Variants in TMPO observed in about 807,000 individuals in gnomAD.
TMPO encodes LEM domain containing 4.
Under a neutral mutation model 45.4 loss-of-function variants are expected in TMPO, and 22 were observed. That is an observed-to-expected ratio of 0.48 (90% CI 0.35 to 0.69). The LOEUF is 0.69. TMPO is among the 30% of genes least tolerant of loss of function. TMPO has a pLI of 0.01. For synonymous variants in TMPO, 241 were observed against 204.1 expected, an observed-to-expected ratio of 1.18 and a Z score of -1.54; for missense variants, 512 against 548.8, an observed-to-expected ratio of 0.93 and a Z score of 0.67.
chr12:98,543,635 A>G (rs865994627), intron 4 of TMPO, among the ~76,000 whole-genome samples: 1 of 152,224 alleles, frequency 6.6e-6, no homozygotes, highest in African/African-American at 2.4e-5. Flanking sequence ...CATATTCATT[A>G]AAGAGTGACC....
In TMPO at chr12:98,548,290, T is replaced by G. The variant is rs184293463; in HGVS notation, c.*432T>G. 3.8e-5 allele frequency: 6 copies of G among 159,280 alleles called. No homozygotes were observed. The highest frequency in any genetic ancestry group is 1.4e-4 in the African/African-American group (6 of 41,616). 9.9% of individuals were successfully genotyped at this position (159,280 alleles called of 1,614,324 possible). A position where few individuals can be genotyped will look rare whatever the true frequency, so the allele number is the denominator to read the frequency against. On this transcript the variant is annotated 3_prime_UTR_variant, in exon 9 of 9. Coordinates refer to ENST00000556029, the MANE Select transcript of TMPO (RefSeq NM_001032283.3). ...CTGCTGAATAAAAACTGCAAATATG[T>G]GAAACATAATGAAATTCAGTAAGAG...
chr12:98,549,267 C>G lies in TMPO; in HGVS notation c.*1409C>G, dbSNP rs1878397184. The G allele has an allele frequency of 6.6e-6, 1 of 152,074 alleles. No individual in the cohort carries two copies. The highest frequency in any genetic ancestry group is 1.5e-5 in the Non-Finnish European group (1 of 68,048). The allele number at this position is 152,074 out of a possible 1,614,324, so 9.4% of individuals were successfully genotyped here. A position where few individuals can be genotyped will look rare whatever the true frequency, so the allele number is the denominator to read the frequency against. ...GAGATGGAGTCTCACTCTTGTCACC[C>G]AGACTGTAGTGCAGTGGCACGATCT... On this transcript the variant is annotated 3_prime_UTR_variant, in exon 9 of 9. Transcript: ENST00000556029.
intron 1 of TMPO, among the ~76,000 whole-genome samples, chr12:98,518,505 CTTTCTG>C (rs1424410831): frequency 9.1e-6 from 1 of 110,414 alleles, no homozygotes. Flanking sequence ...GGTACACAGG[CTTTCTG>C]TGTTGTCCAG....
In TMPO at chr12:98,515,721, C is replaced by T; in HGVS notation, c.-147C>T. On this transcript the variant is annotated 5_prime_UTR_variant, in exon 1 of 9. Coordinates refer to ENST00000556029, the MANE Select transcript of TMPO (RefSeq NM_001032283.3). ...CGGGTCTGGCTTGGCTTTGTGTCCG[C>T]GAGTTTTTGTTCCGCTCCGCAGCGC... The T allele has an allele frequency of 6.7e-7, 1 of 1,502,802 alleles. No homozygotes were observed. The highest frequency in any genetic ancestry group is 8.9e-7 in the Non-Finnish European group (1 of 1,121,130). The allele number at this position is 1,502,802 out of a possible 1,614,324, so 93.1% of individuals were successfully genotyped here.
chr12:98,516,628 A>G (rs1321826308), intron 1 of TMPO: 1 of 814,506 alleles, frequency 1.2e-6, no homozygotes. Context: ...CAAAATTTGA[A>G]ATGAGGAAAT....
chr12:98,516,636 A>C, intron 1 of TMPO: 11 of 756,890 alleles, frequency 1.5e-5, no homozygotes, highest in Non-Finnish European at 1.8e-5. Context: ...GAAATGAGGA[A>C]ATTCCCGCCT....
rs1878370800 is a variant in TMPO, at chr12:98,548,844, G to T, written c.*986G>T. 6.6e-6 allele frequency: 1 copy of T among 152,258 alleles called. No homozygotes were observed. Among genetic ancestry groups the T allele is most frequent in the Non-Finnish European group, 1.5e-5 (1 of 68,046 alleles). The allele number at this position is 152,258 out of a possible 1,614,324, so 9.4% of individuals were successfully genotyped here. A position where few individuals can be genotyped will look rare whatever the true frequency, so the allele number is the denominator to read the frequency against. The stretch of plus-strand genomic sequence containing the variant: ...TGATTAGAAAGTACAAAAAGGGCCA[G>T]GCGCGGTGGCTTACGCCTGTAATCC... On this transcript the variant is annotated 3_prime_UTR_variant, in exon 9 of 9. Transcript: ENST00000556029.
Position 98,515,993 on chromosome 12 carries a change from G to A in TMPO, c.126G>A (p.Leu42=), listed in dbSNP as rs372903897. ...QRKDVYVQLY[L]QHLTARNRPP... is the part of the protein sequence containing the mutation. Reference sequence around the variant, plus strand: ...AAGACGTGTACGTCCAGCTCTACCTGCAGCACCTCACGGCTCGCAACCGGC... The same window carrying A: ...AAGACGTGTACGTCCAGCTCTACCTACAGCACCTCACGGCTCGCAACCGGC... Residue 42 remains leucine, a synonymous_variant, in exon 1 of 9, where the codon CTG becomes CTA. Coordinates refer to ENST00000556029, the MANE Select transcript of TMPO (RefSeq NM_001032283.3). 4.3e-6 allele frequency: 7 copies of A among 1,612,414 alleles called. No homozygotes were observed. The highest frequency in any genetic ancestry group is 5.9e-6 in the Non-Finnish European group (7 of 1,179,792).
chr12:98,521,896 A>AT (rs1876397711), intron 1 of TMPO, among the ~76,000 whole-genome samples: 2 of 152,066 alleles, frequency 1.3e-5, no homozygotes, highest in Admixed American at 6.6e-5. Context: ...TGCCCAGCTA[A>AT]TTTTTTTATT....
intron 4 of TMPO, among the ~76,000 whole-genome samples, chr12:98,541,488 A>G (rs558532719): frequency 8.5e-5 from 13 of 152,342 alleles, no homozygotes; most frequent in Admixed American, 5.9e-4. Context: ...ATGTGTTTCT[A>G]AATAATACAG....
intron 1 of TMPO, among the ~76,000 whole-genome samples, chr12:98,522,937 A>G (rs1876479260): frequency 6.6e-6 from 1 of 152,020 alleles, no homozygotes; most frequent in East Asian, 1.9e-4. Context: ...ATGGTTCAAC[A>G]TCTTTATACT....
intron 4 of TMPO, among the ~76,000 whole-genome samples, chr12:98,538,740 A>G (rs896682706): frequency 6.6e-6 from 1 of 152,198 alleles, no homozygotes; most frequent in South Asian, 2.1e-4. Context: ...GATGTAGTTG[A>G]TAAGTTGAAT....
At chr12:98,543,874 G>A (rs574860424) in intron 4 of TMPO, among the ~76,000 whole-genome samples, 20 of 152,236 alleles carry the variant, frequency 1.3e-4, no homozygotes, top group African/African-American at 4.8e-4. Context: ...TCTAAGTCAT[G>A]ATCAGTCTGC....
intron 1 of TMPO, among the ~76,000 whole-genome samples, chr12:98,521,100 A>ATTTTTTTTTTTTTTTTTTTTTTTTTTT (rs398044704): frequency 3.9e-5 from 3 of 76,754 alleles, no homozygotes; most frequent in African/African-American, 5.6e-5. Flanking sequence ...TTTATGAGGA[A>ATTTTTTTTTTTTTTTTTTTTTTTTTTT]TTTTTTTTTT....
At chr12:98,526,718 G>GTTTT (rs1323069749) in intron 1 of TMPO, among the ~76,000 whole-genome samples, 4 of 152,118 alleles carry the variant, frequency 2.6e-5, no homozygotes, top group African/African-American at 9.7e-5. Context: ...CCAGCACTTT[G>GTTTT]GGAGGCTGAG....
intron 3 of TMPO, chr12:98,534,376 T>C: frequency 6.2e-7 from 1 of 1,606,612 alleles, no homozygotes; most frequent in Non-Finnish European, 8.5e-7. Flanking sequence ...CTATCTTATC[T>C]TTCAGGTACT....
rs373196463 is a variant in TMPO, at chr12:98,522,291, A to G, written c.280-5595A>G. On this transcript the variant is annotated intron_variant, in intron 1 of 8. Transcript: ENST00000556029. ...AGGCCTCCCAAAGCGTTGGGATTGTAGGTGTGAGCTGCTGCTCCTGGCCAA... is the reference window on the plus strand; with the variant it reads ...AGGCCTCCCAAAGCGTTGGGATTGTGGGTGTGAGCTGCTGCTCCTGGCCAA... Among the ~76,000 whole-genome samples, 19 of 152,298 alleles carry G rather than the reference A, an allele frequency of 1.2e-4. 3 individuals carry two copies. The highest frequency in any genetic ancestry group is 2.0e-4 in the Admixed American group (3 of 15,292).
At chr12:98,541,000 T>G (rs951266637) in intron 4 of TMPO, among the ~76,000 whole-genome samples, 25 of 150,470 alleles carry the variant, frequency 1.7e-4, no homozygotes, top group Admixed American at 7.2e-4. Flanking sequence ...TATTTTGAGG[T>G]TTTTTTTATG....
At chr12:98,525,387 T>G (rs1313956516) in intron 1 of TMPO, among the ~76,000 whole-genome samples, 1 of 152,198 alleles carries the variant, frequency 6.6e-6, no homozygotes, top group African/African-American at 2.4e-5. Flanking sequence ...TGGCTTCTGA[T>G]TATAGAATGA....
Sources: allele counts gnomAD v4.1 joint callset (sites outside exome capture counted in the v4.1 genomes callset), GRCh38; gene constraint gnomAD v4.1.1; transcripts MANE v1.5; gene names NCBI Gene and HGNC (gene_info 2026-07-23, HGNC 2026-07-21).